L3MBTL3: variants seen among roughly 807,000 people sequenced by gnomAD.
L3MBTL3 encodes the protein L3MBTL histone methyl-lysine binding protein 3.
In L3MBTL3, 27 loss-of-function variants were observed where a neutral mutation model predicts 102.3. The ratio of observed to expected loss-of-function variants is 0.26; its 90% CI spans 0.19 to 0.36. The LOEUF (loss-of-function observed/expected upper bound fraction) is 0.36. Ranked by LOEUF, L3MBTL3 falls within the 10% of genes least tolerant of loss-of-function variation. L3MBTL3 has a pLI of 1.00. For synonymous variants in L3MBTL3, 340 were observed against 320.9 expected (o/e 1.06, Z -0.64); for missense variants, 798 against 955.3 (o/e 0.84, Z 2.17).
chr6:130,060,209 C>T (rs17078758), intron 10 of L3MBTL3, 69 bp downstream of exon 10: 8 of 904,636 alleles, frequency 8.8e-6, no homozygotes, highest in African/African-American at 5.1e-5. Context: ...TGAGGAAAAA[C>T]TGCCATTGGT....
chr6:130,055,617 T>C (rs1781436785), intron 8 of L3MBTL3, among the ~76,000 whole-genome samples: 1 of 101,206 alleles, frequency 9.9e-6, no homozygotes, highest in Non-Finnish European at 2.0e-5. Flanking sequence ...TCTCCGCCTC[T>C]CCCTGTCTCC....
At chr6:130,071,970 A>T (rs1782664997) in intron 13 of L3MBTL3, among the ~76,000 whole-genome samples, 1 of 152,116 alleles carries the variant, frequency 6.6e-6, no homozygotes, top group African/African-American at 2.4e-5. Context: ...TGCTATTCAT[A>T]TTTTTAAAAT....
chr6:130,057,557 A>G (rs1188581937), intron 9 of L3MBTL3, 60 bp downstream of exon 9: 8 of 1,283,692 alleles, frequency 6.2e-6, no homozygotes, highest in South Asian at 1.3e-5. Flanking sequence ...ACCAGCCTGA[A>G]TTACGATTGT....
chr6:130,020,615 C>G (rs1213896691), intron 1 of L3MBTL3: 1 of 152,058 alleles, frequency 6.6e-6, no homozygotes, highest in East Asian at 1.9e-4. Flanking sequence ...TAACTAGCCG[C>G]TTTCCAGGGC....
Position 130,060,228 on chromosome 6 carries a change from A to T in L3MBTL3, c.864+88A>T, listed in dbSNP as rs563001362. The T allele has an allele frequency of 9.7e-4, 703 of 726,392 alleles. 14 individuals carry two copies. The South Asian group carries it at 0.012, about 13-fold the overall frequency. The allele number at this position is 726,392 out of a possible 1,614,324, so 45.0% of individuals were successfully genotyped here. A position where few individuals can be genotyped will look rare whatever the true frequency, so the allele number is the denominator to read the frequency against. Reference sequence around the variant, plus strand: ...GAAAAACTGCCATTGGTTGTATTTCATGCCAGGCATGGTGCTTACTGTTTT... The same window carrying T: ...GAAAAACTGCCATTGGTTGTATTTCTTGCCAGGCATGGTGCTTACTGTTTT... On this transcript the variant is annotated intron_variant, in intron 10 of 22. Transcript: ENST00000361794.
At chr6:130,061,113 CTCACTCT>C (rs1781872263) in intron 10 of L3MBTL3, among the ~76,000 whole-genome samples, 1 of 137,188 alleles carries the variant, frequency 7.3e-6, no homozygotes, top group African/African-American at 2.8e-5. Flanking sequence ...GAGATGGAGT[CTCACTCT>C]GTCACCCAGG....
At position 130,133,269 on chromosome 6, in the gene L3MBTL3, C is replaced by A; in HGVS notation, c.1967-183C>A. 2 of 564,094 alleles carry A rather than the reference C, an allele frequency of 3.5e-6. No individual in the cohort carries two copies. Among genetic ancestry groups the A allele is most frequent in the South Asian group, 2.6e-5 (1 of 38,410 alleles). The allele number at this position is 564,094 out of a possible 1,614,324, so 34.9% of individuals were successfully genotyped here. A position where few individuals can be genotyped will look rare whatever the true frequency, so the allele number is the denominator to read the frequency against. ...TAGCAAATGATATCAGTTGAATTTACAGGTTGTTTTTTATAGTGACCTTCA... is the reference window on the plus strand; with the variant it reads ...TAGCAAATGATATCAGTTGAATTTAAAGGTTGTTTTTTATAGTGACCTTCA... On this transcript the variant is annotated intron_variant, in intron 20 of 22. Transcript: ENST00000361794. The surrounding 1 kb of genome is among the most constrained non-coding windows in gnomAD (Gnocchi z 4.9).
At chr6:130,069,938 C>G (rs1473919575) in intron 12 of L3MBTL3, among the ~76,000 whole-genome samples, 4 of 152,174 alleles carry the variant, frequency 2.6e-5, no homozygotes, top group Non-Finnish European at 5.9e-5. Context: ...AGTGCCTGTT[C>G]TATCCATTCA....
At position 130,078,561 on chromosome 6, in the gene L3MBTL3, T is replaced by C. The variant is rs535706193; in HGVS notation, c.1248T>C (p.Cys416=). The change falls in exon 14 of 23, where the codon TGT becomes TGC. Residue 416 remains cysteine (C), a synonymous_variant. Coordinates refer to ENST00000361794, the MANE Select transcript of L3MBTL3 (RefSeq NM_032438.4). ...TTTTAATTTGTGTAACTTTCAGGTG[T>C]GAAGCATCAAGTCCACATATTCATC... ...DNWDESYDYW[C]EASSPHIHPV... is the part of the protein sequence containing the mutation. 290 of 1,608,778 alleles carry C rather than the reference T, an allele frequency of 1.8e-4. 3 individuals carry two copies. In the South Asian group the frequency reaches 3.1e-3, roughly 17 times the overall value.
chr6:130,134,589 C>A (rs28360576), intron 22 of L3MBTL3, among the ~76,000 whole-genome samples: 13,149 of 152,172 alleles, frequency 0.086, 656 homozygotes, highest in Non-Finnish European at 0.1. Flanking sequence ...CAGTAGAGAC[C>A]TTTAAAAATA....
chr6:130,134,458 C>G (rs1029888669), intron 22 of L3MBTL3, among the ~76,000 whole-genome samples: 2 of 152,134 alleles, frequency 1.3e-5, no homozygotes, highest in Non-Finnish European at 2.9e-5. Flanking sequence ...TTTCAACTCC[C>G]TCTCCAAAAC....
At chr6:130,125,867 T>G (rs910454273) in intron 20 of L3MBTL3, among the ~76,000 whole-genome samples, 1 of 152,158 alleles carries the variant, frequency 6.6e-6, no homozygotes, top group Non-Finnish European at 1.5e-5. Context: ...GAGGCCTGTT[T>G]TGAGTCTAGG....
intron 9 of L3MBTL3, among the ~76,000 whole-genome samples, chr6:130,058,675 C>T (rs942078896): frequency 6.6e-6 from 1 of 152,096 alleles, no homozygotes; most frequent in South Asian, 2.1e-4. Context: ...TTTCAGAGCA[C>T]GTGGTCTCTG....
At chr6:130,106,470 A>G (rs1289826557) in intron 19 of L3MBTL3, among the ~76,000 whole-genome samples, 6 of 152,166 alleles carry the variant, frequency 3.9e-5, no homozygotes, top group Non-Finnish European at 5.9e-5. Flanking sequence ...TCCTTGCTCT[A>G]TATCACTGTA....
At chr6:130,022,897 A>G (rs893588894) in intron 2 of L3MBTL3, among the ~76,000 whole-genome samples, 6 of 152,314 alleles carry the variant, frequency 3.9e-5, no homozygotes, top group African/African-American at 1.4e-4. Context: ...GCTGTTGTCT[A>G]CTAAGATCTC....
chr6:130,136,662 G>C (rs1487724658), intron 22 of L3MBTL3, among the ~76,000 whole-genome samples: 1 of 151,634 alleles, frequency 6.6e-6, no homozygotes, highest in African/African-American at 2.4e-5. Flanking sequence ...CTGTCGCCCA[G>C]GCTGGAGTGT....
chr6:130,021,223 T>A (rs534733129), intron 1 of L3MBTL3, among the ~76,000 whole-genome samples: 21 of 152,332 alleles, frequency 1.4e-4, no homozygotes, highest in Non-Finnish European at 2.8e-4. Context: ...GGGAGACCTC[T>A]AGTGGTTGAA....
chr6:130,082,119 G>A (rs990715766), intron 14 of L3MBTL3, among the ~76,000 whole-genome samples: 3 of 152,036 alleles, frequency 2.0e-5, no homozygotes, highest in East Asian at 1.9e-4. Context: ...TTACTGGTTC[G>A]CTTTTACCAC....
At chr6:130,065,619 T>C (rs1782196109) in intron 10 of L3MBTL3, among the ~76,000 whole-genome samples, 3 of 152,182 alleles carry the variant, frequency 2.0e-5, no homozygotes, top group African/African-American at 7.2e-5. Flanking sequence ...AGGTCTGGCG[T>C]GATACGTGTT....
Sources: allele counts gnomAD v4.1 joint callset (sites outside exome capture counted in the v4.1 genomes callset), GRCh38; gene constraint gnomAD v4.1.1; non-coding constraint Gnocchi (gnomAD v3.1); transcripts MANE v1.5; gene names NCBI Gene and HGNC (gene_info 2026-07-23, HGNC 2026-07-21).